Variants in TMEM132D observed in about 807,000 individuals in gnomAD.
TMEM132D encodes mature OL transmembrane protein.
Under a neutral mutation model 62.3 loss-of-function variants are expected in TMEM132D, and 21 were observed. That is an observed-to-expected ratio of 0.34 (90% CI 0.24 to 0.49). The LOEUF is 0.49. Among genes scored for constraint, TMEM132D ranks in the 20% least tolerant of loss-of-function variants. The pLI is 0.99. For synonymous variants in TMEM132D, 621 were observed against 575.6 expected, an observed-to-expected ratio of 1.08 and a Z score of -1.13; for missense variants, 1,346 against 1,402.8, an observed-to-expected ratio of 0.96 and a Z score of 0.65.
intron 3 of TMEM132D, among the ~76,000 whole-genome samples, chr12:129,378,263 G>A (rs1482087490): frequency 1.3e-5 from 2 of 152,212 alleles, no homozygotes; most frequent in African/African-American, 4.8e-5. Flanking sequence ...GCTCAGTTTT[G>A]TAGAGGCAGG....
At chr12:129,663,107 A>C (rs891887203) in intron 2 of TMEM132D, among the ~76,000 whole-genome samples, 1 of 151,552 alleles carries the variant, frequency 6.6e-6, no homozygotes, top group Admixed American at 6.6e-5. Context: ...GAAAGGTGAA[A>C]GGCAAAAGGC....
rs762633426 is a variant in TMEM132D, at chr12:129,699,986, C to A, written c.792G>T (p.Leu264Phe). ...HSDIDESGPP[L>F]QRIGSIFLYQ... ...AAAGGAAGATGCTCCCGATCCTCTG[C>A]AAGGGGGGCCCGGACTCATCGATGT... is the stretch of plus-strand genomic sequence containing the variant. The change falls in exon 2 of 9, where the codon TTG becomes TTT. Residue 264 changes from leucine to phenylalanine, a missense_variant. Leu to Phe is a conservative substitution (Grantham distance 22). Transcript: ENST00000422113. 13 of 1,613,994 alleles carry A rather than the reference C, an allele frequency of 8.1e-6. No individual in the cohort carries two copies. The East Asian group carries it at 1.8e-4, about 22-fold the overall frequency.
intron 1 of TMEM132D, among the ~76,000 whole-genome samples, chr12:129,812,928 A>C (rs969389185): frequency 6.6e-6 from 1 of 151,812 alleles, no homozygotes; most frequent in Non-Finnish European, 1.5e-5. Context: ...TTGTAAATTC[A>C]GTGCCTAGTA....
At chr12:129,273,219 A>T (rs1487487737) in intron 4 of TMEM132D, among the ~76,000 whole-genome samples, 2 of 151,690 alleles carry the variant, frequency 1.3e-5, no homozygotes, top group East Asian at 3.9e-4. Flanking sequence ...AAACAAACAA[A>T]CAAAAAACAA....
chr12:129,297,244 T>C (rs867828424), intron 4 of TMEM132D, among the ~76,000 whole-genome samples: 1 of 152,144 alleles, frequency 6.6e-6, no homozygotes, highest in Non-Finnish European at 1.5e-5. Context: ...GAATCTGAAA[T>C]AGAGCAAAGC....
chr12:129,411,288 G>T (rs1215187010), intron 3 of TMEM132D, among the ~76,000 whole-genome samples: 1 of 152,178 alleles, frequency 6.6e-6, no homozygotes, highest in Non-Finnish European at 1.5e-5. Flanking sequence ...GGTGGAGAGA[G>T]CAGATATCTT....
intron 3 of TMEM132D, among the ~76,000 whole-genome samples, chr12:129,432,588 T>C (rs1027268256): frequency 2.0e-5 from 3 of 152,224 alleles, no homozygotes; most frequent in African/African-American, 7.2e-5. Context: ...GACTCTGTAG[T>C]GTGAGACATC....
intron 5 of TMEM132D, among the ~76,000 whole-genome samples, chr12:129,139,229 A>G (rs1876668513): frequency 6.6e-6 from 1 of 152,164 alleles, no homozygotes; most frequent in Non-Finnish European, 1.5e-5. Context: ...CTTTCTTTCC[A>G]GTAGAGAGCA....
At chr12:129,525,172 G>A (rs956395686) in intron 3 of TMEM132D, among the ~76,000 whole-genome samples, 9 of 141,040 alleles carry the variant, frequency 6.4e-5, no homozygotes, top group African/African-American at 2.3e-4. Flanking sequence ...TGATCTGCCC[G>A]CCTTGGCTTC....
At chr12:129,895,755 G>C (rs1313791680) in intron 1 of TMEM132D, among the ~76,000 whole-genome samples, 1 of 151,940 alleles carries the variant, frequency 6.6e-6, no homozygotes, top group Non-Finnish European at 1.5e-5. Context: ...ACGTGGCACA[G>C]AGCAGCTGAA....
At chr12:129,885,321 G>A (rs1874717499) in intron 1 of TMEM132D, among the ~76,000 whole-genome samples, 2 of 152,206 alleles carry the variant, frequency 1.3e-5, no homozygotes, top group African/African-American at 4.8e-5. Context: ...CTTCTTATGT[G>A]AGTCTAACGT....
chr12:129,411,535 T>C (rs114187010), intron 3 of TMEM132D, among the ~76,000 whole-genome samples: 2 of 152,116 alleles, frequency 1.3e-5, no homozygotes, highest in African/African-American at 4.8e-5. Context: ...AATTTTTTTT[T>C]ATAGAGACGG....
At chr12:129,287,310 A>G (rs185787531) in intron 4 of TMEM132D, among the ~76,000 whole-genome samples, 104 of 152,322 alleles carry the variant, frequency 6.8e-4, no homozygotes, top group African/African-American at 2.3e-3. Context: ...GAGCTGATGT[A>G]AGCACAGAAT....
At chr12:129,173,499 T>C (rs761311056) in intron 5 of TMEM132D, among the ~76,000 whole-genome samples, 19 of 152,210 alleles carry the variant, frequency 1.2e-4, no homozygotes, top group Non-Finnish European at 2.6e-4. Flanking sequence ...TCACCAAAGA[T>C]TTTCAGCCTG....
intron 4 of TMEM132D, among the ~76,000 whole-genome samples, chr12:129,246,356 C>A (rs972938347): frequency 3.9e-5 from 6 of 152,162 alleles, no homozygotes; most frequent in African/African-American, 1.4e-4. Context: ...AGGCTGAGCA[C>A]CACGGCCGCT....
chr12:129,796,063 G>T (rs116242398), intron 1 of TMEM132D, among the ~76,000 whole-genome samples: 1 of 151,980 alleles, frequency 6.6e-6, no homozygotes, highest in African/African-American at 2.4e-5. Flanking sequence ...GGCCAGGTGC[G>T]GTGGCTCACA....
chr12:129,889,035 T>C (rs1436359778), intron 1 of TMEM132D, among the ~76,000 whole-genome samples: 1 of 152,146 alleles, frequency 6.6e-6, no homozygotes, highest in Non-Finnish European at 1.5e-5. Flanking sequence ...CGTTCTTTCT[T>C]TTTACTAAAG....
intron 4 of TMEM132D, among the ~76,000 whole-genome samples, chr12:129,240,614 T>C (rs1451298054): frequency 6.6e-6 from 1 of 152,210 alleles, no homozygotes; most frequent in Non-Finnish European, 1.5e-5. Flanking sequence ...CATAAAAAGC[T>C]TTATGATTTT....
At chr12:129,894,207 T>C (rs576225340) in intron 1 of TMEM132D, among the ~76,000 whole-genome samples, 37 of 152,324 alleles carry the variant, frequency 2.4e-4, no homozygotes, top group African/African-American at 7.5e-4. Context: ...ACAGCCTGCA[T>C]GGTGGCAGGC....
Sources: gnomAD v4.1 joint callset for allele counts (sites outside exome capture counted in the v4.1 genomes callset) on GRCh38, gnomAD v4.1.1 for gene constraint, MANE v1.5 for transcripts, NCBI Gene and HGNC (gene_info 2026-07-23, HGNC 2026-07-21) for gene names.